Variants in KIAA0825 observed in about 807,000 individuals in gnomAD.
KIAA0825 encodes KIAA0825, also known as uncharacterized protein KIAA0825.
A neutral mutation model predicts 147.6 loss-of-function variants in KIAA0825; 119 were observed. The observed-to-expected ratio is 0.81, with a 90% CI of 0.69 to 0.94. KIAA0825 has a LOEUF of 0.94. Among genes scored for constraint, KIAA0825 ranks in the 40% least tolerant of loss-of-function variants. The pLI, the probability that KIAA0825 is intolerant of heterozygous loss-of-function variation, is 0.00. For synonymous variants in KIAA0825, 470 were observed against 518.1 expected (o/e 0.91, Z 1.26); for missense variants, 1,381 against 1,472.7 (o/e 0.94, Z 1.02).
At chr5:94,390,108 G>C (rs1749705337) in intron 18 of KIAA0825, among the ~76,000 whole-genome samples, 1 of 152,176 alleles carries the variant, frequency 6.6e-6, no homozygotes, top group Admixed American at 6.5e-5. Context: ...GCTTTCCAGA[G>C]TATAACCGGA....
chr5:94,370,897 G>T (rs1203145566), intron 20 of KIAA0825, among the ~76,000 whole-genome samples: 2 of 151,906 alleles, frequency 1.3e-5, no homozygotes, highest in African/African-American at 4.8e-5. Flanking sequence ...GCGACAGAGG[G>T]AGACTCTGTC....
chr5:94,237,567 T>C (rs1775119549), intron 20 of KIAA0825, among the ~76,000 whole-genome samples: 1 of 152,180 alleles, frequency 6.6e-6, no homozygotes, highest in Admixed American at 6.5e-5. Flanking sequence ...GCATTTTCTC[T>C]CTTACTCGCT....
At chr5:94,602,342 C>T (rs573362243) in intron 1 of KIAA0825, among the ~76,000 whole-genome samples, 1 of 151,216 alleles carries the variant, frequency 6.6e-6, no homozygotes, top group African/African-American at 2.4e-5. Context: ...CTTAGCAAGA[C>T]TCTGTCTCAA....
At chr5:94,208,306 G>T (rs1185501185) in intron 20 of KIAA0825, among the ~76,000 whole-genome samples, 2 of 152,178 alleles carry the variant, frequency 1.3e-5, no homozygotes, top group Admixed American at 1.3e-4. Context: ...AGAATTCTGA[G>T]CATAAAGCAA....
intron 20 of KIAA0825, among the ~76,000 whole-genome samples, chr5:94,226,728 TG>T (rs1250666467): frequency 1.3e-5 from 2 of 151,688 alleles, no homozygotes; most frequent in Non-Finnish European, 2.9e-5. Flanking sequence ...CATCAAAAAG[TG>T]GGCAAAGGAC....
intron 3 of KIAA0825, among the ~76,000 whole-genome samples, chr5:94,526,494 C>T (rs953006473): frequency 6.6e-6 from 1 of 151,884 alleles, no homozygotes; most frequent in African/African-American, 2.4e-5. Flanking sequence ...TAAATTTGAA[C>T]CCCAATGTGC....
At chr5:94,431,885 T>C (rs989157721) in intron 14 of KIAA0825, among the ~76,000 whole-genome samples, 1 of 152,118 alleles carries the variant, frequency 6.6e-6, no homozygotes, top group African/African-American at 2.4e-5. Flanking sequence ...TAGGATGAGA[T>C]GAGCTGGACA....
In KIAA0825 at chr5:94,471,644, T is replaced by G. The variant is rs1459104346; in HGVS notation, c.1543A>C (p.Asn515His). The change falls in exon 9 of 21, where the codon AAC (asparagine) becomes CAC (histidine). Residue 515 changes from asparagine (N) to histidine (H), a missense_variant. Transcript: ENST00000682413. ...ACTTTACAACAGGCCTCCACCAAGT[T>G]TGCTCTAATTTCCTGAAAAGAATCA... ...RDDSFQEIRA[N>H]LVEACCKVAT... 1.9e-6 allele frequency: 3 copies of G among 1,552,030 alleles called. No homozygotes were observed. The African/African-American group carries it at 4.1e-5, about 21-fold the overall frequency.
In KIAA0825 at chr5:94,462,458, T is replaced by G. The variant is rs1759958368; in HGVS notation, c.2175A>C (p.Lys725Asn). 2.0e-6 allele frequency: 3 copies of G among 1,528,642 alleles called. No homozygotes were observed. Among genetic ancestry groups the G allele is most frequent in the African/African-American group, 2.8e-5 (2 of 72,442 alleles). 94.7% of individuals were successfully genotyped at this position (1,528,642 alleles called of 1,614,324 possible). A position where few individuals can be genotyped will look rare whatever the true frequency, so the allele number is the denominator to read the frequency against. Residue 725 changes from lysine (K) to asparagine (N), a missense_variant, in exon 12 of 21, where the codon AAA (lysine) becomes AAC (asparagine). Transcript: ENST00000682413. ...ACAGATTATTACAATGAGTGTGAAT[T>G]TTAAAAATTTTATCATCTGTATGCT... ...PHQHTDDKIF[K>N]IHTHCNNLFT... is the part of the protein sequence containing the mutation.
chr5:94,561,017 T>A (rs919604151), intron 2 of KIAA0825, among the ~76,000 whole-genome samples: 2 of 152,188 alleles, frequency 1.3e-5, no homozygotes, highest in African/African-American at 4.8e-5. Context: ...CTAGAGAGCT[T>A]CAGGATGGGA....
At chr5:94,611,269 T>C (rs1332906058) in intron 1 of KIAA0825, among the ~76,000 whole-genome samples, 2 of 152,174 alleles carry the variant, frequency 1.3e-5, no homozygotes, top group Admixed American at 6.5e-5. Flanking sequence ...TCCTGAGTTA[T>C]CCATTATGTT....
At chr5:94,304,357 G>C (rs1778589869) in intron 20 of KIAA0825, among the ~76,000 whole-genome samples, 3 of 152,050 alleles carry the variant, frequency 2.0e-5, no homozygotes, top group Non-Finnish European at 1.5e-5. Flanking sequence ...CATAATTGCA[G>C]GGCAGTGCTG....
chr5:94,264,913 G>T (rs901249486), intron 20 of KIAA0825, among the ~76,000 whole-genome samples: 3 of 151,310 alleles, frequency 2.0e-5, no homozygotes, highest in African/African-American at 7.3e-5. Context: ...CACCTGACTT[G>T]CTGGGATTAC....
intron 2 of KIAA0825, among the ~76,000 whole-genome samples, chr5:94,567,247 A>C (rs1778870697): frequency 6.6e-6 from 1 of 152,188 alleles, no homozygotes; most frequent in Non-Finnish European, 1.5e-5. Context: ...CAATAATTGC[A>C]ATTCCTTAAA....
intron 20 of KIAA0825, among the ~76,000 whole-genome samples, chr5:94,189,463 G>A (rs1233495982): frequency 6.6e-6 from 1 of 152,040 alleles, no homozygotes; most frequent in African/African-American, 2.4e-5. Context: ...GTGAAATAAG[G>A]ATAAAAGCTC....
In KIAA0825 at chr5:94,583,885, C is replaced by T. The variant is rs143911736; in HGVS notation, c.-152-1302G>A. On this transcript the variant is annotated intron_variant, in intron 1 of 20. Transcript: ENST00000682413. Reference sequence around the variant, plus strand: ...GCAGCTTCCACTGGTGATACACAGGCGAACAGGATCTGGAGTGGACCTCCA... The same window carrying T: ...GCAGCTTCCACTGGTGATACACAGGTGAACAGGATCTGGAGTGGACCTCCA... 3.2e-4 allele frequency among the ~76,000 whole-genome samples: 49 copies of T among 152,194 alleles called. 1 individual carries two copies. In the East Asian group the frequency reaches 8.7e-3, roughly 27 times the overall value.
chr5:94,228,096 T>A (rs1471289980), intron 20 of KIAA0825, among the ~76,000 whole-genome samples: 1 of 152,166 alleles, frequency 6.6e-6, no homozygotes, highest in African/African-American at 2.4e-5. Flanking sequence ...CTTTTCTGAT[T>A]TGAGGAATAT....
intron 20 of KIAA0825, among the ~76,000 whole-genome samples, chr5:94,281,224 C>G (rs947065057): frequency 2.6e-5 from 4 of 151,436 alleles, no homozygotes; most frequent in Non-Finnish European, 5.9e-5. Context: ...CACACACACA[C>G]ACACACACAC....
chr5:94,475,048 C>G (rs938839780), intron 7 of KIAA0825, among the ~76,000 whole-genome samples: 1 of 150,904 alleles, frequency 6.6e-6, no homozygotes, highest in Non-Finnish European at 1.5e-5. Flanking sequence ...GAGATGGCAC[C>G]ACTGCACTCC....
Sources: allele counts gnomAD v4.1 joint callset (sites outside exome capture counted in the v4.1 genomes callset), GRCh38; gene constraint gnomAD v4.1.1; transcripts MANE v1.5; gene names NCBI Gene and HGNC (gene_info 2026-07-23, HGNC 2026-07-21).